Variants in IL1RAPL1 observed in about 807,000 individuals in gnomAD.
The protein encoded by IL1RAPL1 is interleukin-1 receptor accessory protein-like 1.
Under a neutral mutation model 48.4 loss-of-function variants are expected in IL1RAPL1, and 3 were observed. The observed-to-expected ratio is 0.06, with a 90% CI of 0.03 to 0.16. The LOEUF (loss-of-function observed/expected upper bound fraction) is 0.16, where lower values mean the gene tolerates loss of function less well. Ranked by LOEUF, IL1RAPL1 falls within the 10% of genes least tolerant of loss-of-function variation. IL1RAPL1 has a pLI of 1.00. For synonymous variants in IL1RAPL1, 185 were observed against 187.7 expected, an observed-to-expected ratio of 0.99 and a Z score of 0.12; for missense variants, 349 against 530.6, an observed-to-expected ratio of 0.66 and a Z score of 3.36.
chrX:28,813,329 C>T (rs1366064767), intron 2 of IL1RAPL1, among the ~76,000 whole-genome samples: 4 of 111,158 alleles, frequency 3.6e-5, no homozygotes, highest in Non-Finnish European at 7.6e-5. Flanking sequence ...ATTGCAAATA[C>T]TTGGAGATTT....
chrX:29,415,420 T>G (rs1934201032), intron 5 of IL1RAPL1, among the ~76,000 whole-genome samples: 1 of 104,280 alleles, frequency 9.6e-6, no homozygotes, highest in African/African-American at 3.5e-5. Flanking sequence ...AACCATTTTG[T>G]TTTTTTTTTT....
intron 1 of IL1RAPL1, among the ~76,000 whole-genome samples, chrX:28,739,821 T>C (rs1191832309): frequency 1.8e-5 from 2 of 111,408 alleles, no homozygotes; most frequent in Non-Finnish European, 3.8e-5. Flanking sequence ...AAGGCTTTTA[T>C]GATATCCCCC....
rs778195659 is a variant in IL1RAPL1 at position 29,864,735 on chromosome X, C to T, written c.779-52729C>T. ...ATTTCTCTGATCTTATCATGTTTAC[C>T]TCATATGAAATTTTCATGTAAAATG... On this transcript the variant is annotated intron_variant, in intron 6 of 10. Coordinates refer to ENST00000378993, the MANE Select transcript of IL1RAPL1 (RefSeq NM_014271.4). 6.3e-5 allele frequency among the ~76,000 whole-genome samples: 7 copies of T among 111,864 alleles called. No homozygotes were observed. In the South Asian group the frequency reaches 1.1e-3, roughly 18 times the overall value.
chrX:28,766,827 A>G (rs1354758346), intron 1 of IL1RAPL1, among the ~76,000 whole-genome samples: 1 of 111,659 alleles, frequency 9.0e-6, no homozygotes, highest in African/African-American at 3.2e-5. Flanking sequence ...TTCACTCAAC[A>G]TAATGACCTT....
At chrX:28,789,732 A>C (rs1234965166) in intron 2 of IL1RAPL1, among the ~76,000 whole-genome samples, 2 of 111,823 alleles carry the variant, frequency 1.8e-5, no homozygotes, top group African/African-American at 6.5e-5. Flanking sequence ...AGTGTTATTT[A>C]ATTTTTTGCA....
At chrX:28,935,275 G>A (rs752850393) in intron 2 of IL1RAPL1, among the ~76,000 whole-genome samples, 2 of 110,791 alleles carry the variant, frequency 1.8e-5, no homozygotes, top group Non-Finnish European at 3.8e-5. Flanking sequence ...TTAATCGATC[G>A]ATTTACAATT....
chrX:28,765,063 G>A (rs975843432), intron 1 of IL1RAPL1, among the ~76,000 whole-genome samples: 4 of 100,547 alleles, frequency 4.0e-5, no homozygotes, highest in East Asian at 6.4e-4. Context: ...ACAAAAAACC[G>A]AACACCACAT....
At position 29,397,486 on chromosome X, in the gene IL1RAPL1, A is replaced by G. The variant is rs568935626; in HGVS notation, c.549+1042A>G. Among the ~76,000 whole-genome samples, 4 of 112,531 alleles carry G rather than the reference A, an allele frequency of 3.6e-5. No individual in the cohort carries two copies. In the South Asian group the frequency reaches 1.5e-3, roughly 41 times the overall value. ...AGAACATCAAGGGAACTGTTGGAAG[A>G]TTTTTATACTTGTCCCTTGCTTGAT... On this transcript the variant is annotated intron_variant, in intron 4 of 10. Coordinates refer to ENST00000378993, the MANE Select transcript of IL1RAPL1 (RefSeq NM_014271.4).
At chrX:29,210,043 TC>T (rs1244948816) in intron 2 of IL1RAPL1, among the ~76,000 whole-genome samples, 2 of 112,166 alleles carry the variant, frequency 1.8e-5, no homozygotes, top group Non-Finnish European at 3.8e-5. Flanking sequence ...CAACCAACTT[TC>T]AAAGTGGTTC....
In IL1RAPL1 at chrX:29,955,551, C is replaced by A; in HGVS notation, c.1822C>A (p.Arg608Ser). The A allele has an allele frequency of 8.3e-7, 1 of 1,208,029 alleles. No individual in the cohort carries two copies. Among genetic ancestry groups the A allele is most frequent in the Non-Finnish European group, 1.1e-6 (1 of 893,427 alleles). ...TCTAGCCACTGCCCATCCAGATCTC[C>A]GTTCTACCTTTCACAACACGTACCA... ...TALATAHPDL[R>S]STFHNTYHSQ... The change falls in exon 11 of 11, where the codon CGT becomes AGT. Residue 608 changes from arginine (R) to serine (S), a missense_variant. Physicochemically the swap from Arg to Ser is moderately radical, Grantham distance 110. Around this residue, in one of 3 missense-constraint regions of IL1RAPL1, gnomAD observed 65 missense variants for 79.6 expected, o/e 0.82. Transcript: ENST00000378993.
chrX:29,541,508 TAG>T (rs1921437929), intron 5 of IL1RAPL1, among the ~76,000 whole-genome samples: 1 of 111,603 alleles, frequency 9.0e-6, no homozygotes, highest in Non-Finnish European at 1.9e-5. Flanking sequence ...CTATTGGTAA[TAG>T]CAAAGACATG....
In IL1RAPL1 at chrX:28,795,713, A is replaced by T. The variant is rs112637541; in HGVS notation, c.82+6288A>T. On this transcript the variant is annotated intron_variant, in intron 2 of 10. Coordinates refer to ENST00000378993, the MANE Select transcript of IL1RAPL1 (RefSeq NM_014271.4). ...AACTTATTACTTATTATTGCTTATAATAAGTAATAATATTCAAAGTATCAT... is the reference window on the plus strand; with the variant it reads ...AACTTATTACTTATTATTGCTTATATTAAGTAATAATATTCAAAGTATCAT... Among the ~76,000 whole-genome samples the T allele has an allele frequency of 3.2e-3, 358 of 111,014 alleles. 2 individuals carry two copies. The highest frequency in any genetic ancestry group is 0.011 in the African/African-American group (338 of 30,579).
intron 6 of IL1RAPL1, among the ~76,000 whole-genome samples, chrX:29,826,382 T>G (rs890219266): frequency 8.9e-6 from 1 of 112,105 alleles, no homozygotes; most frequent in South Asian, 3.7e-4. Context: ...TGCTTTTCAT[T>G]TTTTAAAGTT....
intron 1 of IL1RAPL1, among the ~76,000 whole-genome samples, chrX:28,701,397 A>T (rs1601864601): frequency 8.9e-6 from 1 of 111,919 alleles, no homozygotes; most frequent in Middle Eastern, 4.7e-3. Flanking sequence ...TTGTTATTGC[A>T]TTGTTATGCC....
chrX:28,601,712 A>T (rs1271061326), intron 1 of IL1RAPL1, among the ~76,000 whole-genome samples: 1 of 111,478 alleles, frequency 9.0e-6, no homozygotes, highest in Admixed American at 9.6e-5. Context: ...GTCTTAAAAA[A>T]AAATAGTAAT....
At chrX:29,917,643 T>C (rs1932809326) in intron 7 of IL1RAPL1, 47 bp downstream of exon 7, 3 of 1,068,996 alleles carry the variant, frequency 2.8e-6, no homozygotes, top group Middle Eastern at 2.6e-4. Context: ...TAACATTTAC[T>C]CCATTAGTGA....
At chrX:29,812,471 G>A (rs1040867418) in intron 6 of IL1RAPL1, among the ~76,000 whole-genome samples, 1 of 111,033 alleles carries the variant, frequency 9.0e-6, no homozygotes, top group Non-Finnish European at 1.9e-5. Context: ...TTTGAAGCAC[G>A]TCAAGAAAAT....
intron 2 of IL1RAPL1, among the ~76,000 whole-genome samples, chrX:29,145,049 G>A (rs1196451607): frequency 9.0e-6 from 1 of 110,929 alleles, no homozygotes; most frequent in Non-Finnish European, 1.9e-5. Context: ...TTTAAAGAGT[G>A]TAAATGTAAT....
At chrX:28,953,407 A>G (rs1250406658) in intron 2 of IL1RAPL1, among the ~76,000 whole-genome samples, 1 of 111,686 alleles carries the variant, frequency 9.0e-6, no homozygotes, top group Non-Finnish European at 1.9e-5. Context: ...TCCATTTGGA[A>G]TAGGATCACT....
Sources: gnomAD v4.1 joint callset for allele counts (sites outside exome capture counted in the v4.1 genomes callset) on GRCh38, gnomAD v4.1.1 for gene constraint, gnomAD v4.1.1 regional missense constraint, MANE v1.5 for transcripts, NCBI Gene and HGNC (gene_info 2026-07-23, HGNC 2026-07-21) for gene names.